The following NKAIN2 variants were observed in gnomAD, a reference collection of about 807,000 sequenced individuals.
NKAIN2 encodes the protein sodium/potassium transporting ATPase interacting 2.
In NKAIN2, 14 loss-of-function variants were observed where a neutral mutation model predicts 32.6. The ratio of observed to expected loss-of-function variants is 0.43; its 90% CI spans 0.28 to 0.67. NKAIN2 has a LOEUF of 0.67. Among genes scored for constraint, NKAIN2 ranks in the 30% least tolerant of loss-of-function variants. NKAIN2 has a pLI of 0.17. For synonymous variants in NKAIN2, 80 were observed against 87.2 expected (o/e 0.92, Z 0.46); for missense variants, 198 against 258.3 (o/e 0.77, Z 1.60).
At chr6:124,399,675 G>T (rs1216858194) in intron 3 of NKAIN2, among the ~76,000 whole-genome samples, 1 of 152,186 alleles carries the variant, frequency 6.6e-6, no homozygotes, top group Non-Finnish European at 1.5e-5. Context: ...CTGCTTAAGT[G>T]CCACCAACAA....
chr6:124,273,299 ATAGT>A (rs67011147), intron 1 of NKAIN2, among the ~76,000 whole-genome samples: 45,441 of 151,694 alleles, frequency 0.3, 7,729 homozygotes, highest in African/African-American at 0.45. Context: ...TGTTCTCATG[ATAGT>A]TAGTGAGTTC....
chr6:123,848,096 T>A (rs959313753), intron 1 of NKAIN2, among the ~76,000 whole-genome samples: 9 of 152,200 alleles, frequency 5.9e-5, no homozygotes, highest in African/African-American at 2.2e-4. Flanking sequence ...AAAGTGGAAA[T>A]ACTTCCTCAA....
intron 4 of NKAIN2, among the ~76,000 whole-genome samples, chr6:124,759,899 A>C (rs1778178656): frequency 6.6e-6 from 1 of 151,932 alleles, no homozygotes; most frequent in Non-Finnish European, 1.5e-5. Context: ...GTGCCTTATT[A>C]GCCCACAGAG....
Position 123,964,057 on chromosome 6 carries a change from G to A in NKAIN2, c.54+159803G>A, listed in dbSNP as rs1328058360. Among the ~76,000 whole-genome samples the A allele has an allele frequency of 6.6e-6, 1 of 152,060 alleles. No individual in the cohort carries two copies. Among genetic ancestry groups the A allele is most frequent in the African/African-American group, 2.4e-5 (1 of 41,404 alleles). ...CATATCTCAAATTCATTTGAAAAAT[G>A]AATCCTTGTTCAGGAACACAACATC... On this transcript the variant is annotated intron_variant, in intron 1 of 6. Transcript: ENST00000368417. This position sits in a 1 kb window ranked among gnomAD's most constrained non-coding sequence, Gnocchi z 4.0.
At chr6:124,419,453 A>G (rs921763825) in intron 3 of NKAIN2, among the ~76,000 whole-genome samples, 1 of 152,172 alleles carries the variant, frequency 6.6e-6, no homozygotes, top group Admixed American at 6.5e-5. Flanking sequence ...GGTGGGATTC[A>G]TAACCAAGGT....
chr6:124,652,431 TC>T (rs1402748876), intron 3 of NKAIN2, among the ~76,000 whole-genome samples: 1 of 152,176 alleles, frequency 6.6e-6, no homozygotes, highest in African/African-American at 2.4e-5. Flanking sequence ...TTTCTAGCAT[TC>T]ATTTCAAAAC....
rs750853059 is a variant in NKAIN2 at position 124,823,278 on chromosome 6, T to C, written c.*49T>C. 3.0e-6 allele frequency: 4 copies of C among 1,346,752 alleles called. No individual in the cohort carries two copies. The highest frequency in any genetic ancestry group is 1.8e-4 in the Middle Eastern group (1 of 5,598). The allele number at this position is 1,346,752 out of a possible 1,614,324, so 83.4% of individuals were successfully genotyped here. A position where few individuals can be genotyped will look rare whatever the true frequency, so the allele number is the denominator to read the frequency against. On this transcript the variant is annotated 3_prime_UTR_variant, in exon 7 of 7. Coordinates refer to ENST00000368417, the MANE Select transcript of NKAIN2 (RefSeq NM_001040214.3). ...CCCATGGACCTTTCAAAGAACTTTT[T>C]TCGCAGTGGCCTCCTGCATTTCATG...
chr6:124,214,283 A>G (rs1045133845), intron 1 of NKAIN2, among the ~76,000 whole-genome samples: 23 of 152,178 alleles, frequency 1.5e-4, no homozygotes, highest in Admixed American at 1.5e-3. Flanking sequence ...TCTTGTGAGT[A>G]TTAATAGTAG....
chr6:124,757,207 C>T (rs1270256735), intron 4 of NKAIN2, among the ~76,000 whole-genome samples: 5 of 152,136 alleles, frequency 3.3e-5, no homozygotes, highest in Non-Finnish European at 5.9e-5. Context: ...GTATTTGAAA[C>T]ATCATTTATC....
intron 1 of NKAIN2, among the ~76,000 whole-genome samples, chr6:123,911,641 T>C (rs1240555604): frequency 6.6e-6 from 1 of 151,884 alleles, no homozygotes; most frequent in African/African-American, 2.4e-5. Context: ...TGCCATGCCA[T>C]TATTTTATAT....
intron 4 of NKAIN2, among the ~76,000 whole-genome samples, chr6:124,781,654 T>C (rs911436530): frequency 6.6e-6 from 1 of 152,128 alleles, no homozygotes; most frequent in African/African-American, 2.4e-5. Context: ...GACATTCTGT[T>C]TCACCCTTGC....
chr6:124,092,666 G>T (rs979729607), intron 1 of NKAIN2, among the ~76,000 whole-genome samples: 1 of 151,830 alleles, frequency 6.6e-6, no homozygotes, highest in Admixed American at 6.6e-5. Flanking sequence ...TCTTGATGGG[G>T]TAAGATGATA....
chr6:123,979,010 A>G (rs1029064209), intron 1 of NKAIN2, among the ~76,000 whole-genome samples: 6 of 152,164 alleles, frequency 3.9e-5, no homozygotes, highest in Non-Finnish European at 8.8e-5. Flanking sequence ...AACCCTTCCT[A>G]AAGAGATAGC....
intron 1 of NKAIN2, among the ~76,000 whole-genome samples, chr6:124,261,690 C>A (rs1047002493): frequency 2.0e-5 from 3 of 152,006 alleles, no homozygotes; most frequent in African/African-American, 7.2e-5. Flanking sequence ...CAAAGCCCCA[C>A]CTCGGCTAAA....
chr6:124,058,236 A>C (rs2114849190), intron 1 of NKAIN2, among the ~76,000 whole-genome samples: 1 of 149,458 alleles, frequency 6.7e-6, no homozygotes, highest in African/African-American at 2.5e-5. Flanking sequence ...TTAGGCATAT[A>C]ACTCAGTTAT....
At chr6:124,075,416 T>C (rs1309427432) in intron 1 of NKAIN2, among the ~76,000 whole-genome samples, 1 of 152,180 alleles carries the variant, frequency 6.6e-6, no homozygotes, top group Non-Finnish European at 1.5e-5. Context: ...AAATTAATTG[T>C]ATTGTTTTCA....
chr6:124,047,567 G>T (rs1360224353), intron 1 of NKAIN2, among the ~76,000 whole-genome samples: 1 of 151,898 alleles, frequency 6.6e-6, no homozygotes, highest in Non-Finnish European at 1.5e-5. Context: ...CTTCCTCCCC[G>T]GCTATTAGGC....
At chr6:124,153,244 T>C (rs1787819066) in intron 1 of NKAIN2, among the ~76,000 whole-genome samples, 1 of 151,902 alleles carries the variant, frequency 6.6e-6, no homozygotes, top group Admixed American at 6.6e-5. Context: ...TGTATCAAAA[T>C]ATCACATGCA....
intron 3 of NKAIN2, among the ~76,000 whole-genome samples, chr6:124,418,885 C>T (rs1353135403): frequency 6.6e-6 from 1 of 151,910 alleles, no homozygotes; most frequent in Non-Finnish European, 1.5e-5. Context: ...GCGAATGATT[C>T]TCATTACACA....
Sources: allele counts gnomAD v4.1 joint callset (sites outside exome capture counted in the v4.1 genomes callset), GRCh38; gene constraint gnomAD v4.1.1; non-coding constraint Gnocchi (gnomAD v3.1); transcripts MANE v1.5; gene names NCBI Gene and HGNC (gene_info 2026-07-23, HGNC 2026-07-21).